The following ZNF530 variants were observed in gnomAD, a reference collection of about 807,000 sequenced individuals.
ZNF530 encodes zinc finger protein 530.
Under a neutral mutation model 2.8 loss-of-function variants are expected in ZNF530, and 5 were observed. The observed-to-expected ratio is 1.80, with a 90% CI of 0.94 to 3.78. The LOEUF (loss-of-function observed/expected upper bound fraction) is 3.78, where lower values mean the gene tolerates loss of function less well. Ranked by LOEUF, ZNF530 falls within the 30% of genes most tolerant of loss-of-function variation. The probability of loss-of-function intolerance (pLI) is 0.00; values close to 1 mark genes in which losing one functional copy is unlikely to be tolerated. For synonymous variants in ZNF530, 229 were observed against 235.0 expected (o/e 0.97, Z 0.23); for missense variants, 619 against 673.3 (o/e 0.92, Z 0.89).
Position 57,610,043 on chromosome 19 carries a change from T to TA in ZNF530, c.*2727dup, listed in dbSNP as rs201951650. ...TGACCAAGATTGTTATTGCATCCAT[T>TA]AAAAAAAAATCAAGTTATAATTGAT... On this transcript the variant is annotated 3_prime_UTR_variant, in exon 4 of 4. Coordinates refer to ENST00000597700, the MANE Select transcript of ZNF530 (RefSeq NM_001321981.2). 1.6e-3 allele frequency among the ~76,000 whole-genome samples: 249 copies of TA among 151,368 alleles called. 6 individuals are homozygous for TA. The East Asian group carries it at 0.04, about 24-fold the overall frequency.
rs1324781755 is a variant in ZNF530 at position 57,600,160 on chromosome 19, C to T, written c.-122+26C>T. Reference sequence around the variant, plus strand: ...GTGAGCGCTGCGTCCTCCCGGCCTCCTCTGCCCTCCCCACCCGAAACTGAG... The same window carrying T: ...GTGAGCGCTGCGTCCTCCCGGCCTCTTCTGCCCTCCCCACCCGAAACTGAG... On this transcript the variant is annotated intron_variant, in intron 1 of 3. Transcript: ENST00000597700. The T allele has an allele frequency of 4.5e-6, 7 of 1,560,102 alleles. No individual in the cohort carries two copies. The Admixed American group carries it at 1.1e-4, about 25-fold the overall frequency.
chr19:57,603,314 C>T (rs1204082088), intron 2 of ZNF530, among the ~76,000 whole-genome samples: 1 of 152,202 alleles, frequency 6.6e-6, no homozygotes, highest in Non-Finnish European at 1.5e-5. Flanking sequence ...GTGGGAGTTA[C>T]AATTCAAGAT....
intron 2 of ZNF530, among the ~76,000 whole-genome samples, chr19:57,601,714 A>G (rs1980250688): frequency 6.6e-6 from 1 of 152,250 alleles, no homozygotes; most frequent in Non-Finnish European, 1.5e-5. Context: ...AAGGCTGGGT[A>G]GTTTATAAAG....
Position 57,606,938 on chromosome 19 carries a change from A to T in ZNF530, c.1314A>T (p.Ser438=). Residue 438 remains serine, a synonymous_variant, in exon 4 of 4, where the codon TCA becomes TCT. Transcript: ENST00000597700. The part of the protein sequence containing the change: ...KPYECSECEK[S]FSCKTDLIRH... ...ATGAGTGCAGTGAATGTGAAAAATC[A>T]TTTAGTTGCAAAACTGACCTCATTC... The T allele has an allele frequency of 6.2e-7, 1 of 1,613,206 alleles. No individual in the cohort carries two copies. The highest frequency in any genetic ancestry group is 8.5e-7 in the Non-Finnish European group (1 of 1,179,712).
At chr19:57,601,114 A>T (rs1164563244) in intron 2 of ZNF530, among the ~76,000 whole-genome samples, 3 of 152,212 alleles carry the variant, frequency 2.0e-5, no homozygotes, top group Non-Finnish European at 4.4e-5. Context: ...GCTGTCTCAG[A>T]TGTCTTTGTT....
Position 57,599,953 on chromosome 19 carries a change from C to G in ZNF530, c.-303C>G, listed in dbSNP as rs112580202. The G allele has an allele frequency of 8.8e-5, 75 of 850,458 alleles. No individual in the cohort carries two copies. Among genetic ancestry groups the G allele is most frequent in the Non-Finnish European group, 1.2e-4 (72 of 583,210 alleles). 52.7% of individuals were successfully genotyped at this position (850,458 alleles called of 1,614,324 possible). A position where few individuals can be genotyped will look rare whatever the true frequency, so the allele number is the denominator to read the frequency against. On this transcript the variant is annotated 5_prime_UTR_variant, in exon 1 of 4. It adds an upstream start codon to the 5' untranslated region. Transcript: ENST00000597700. The stretch of plus-strand genomic sequence containing the variant: ...TCAGTTCCATCCGCGGGTGCCGGAT[C>G]TGGACCTAGGTGCTGACAGCGAGAA...
In ZNF530 at chr19:57,606,695, C is replaced by G. The variant is rs369515199; in HGVS notation, c.1071C>G (p.Cys357Trp). 3 of 1,613,072 alleles carry G rather than the reference C, an allele frequency of 1.9e-6. No homozygotes were observed. In the African/African-American group the frequency reaches 4.0e-5, roughly 22 times the overall value. Reference sequence around the variant, plus strand: ...GTGAATGTGGGAAAGCATTTAGTTGCAATATCTACCTTATTCACCACCAAA... The same window carrying G: ...GTGAATGTGGGAAAGCATTTAGTTGGAATATCTACCTTATTCACCACCAAA... The part of the protein sequence containing the change: ...ECSECGKAFS[C>W]NIYLIHHQRF... Residue 357 changes from cysteine to tryptophan, a missense_variant, in exon 4 of 4, where the codon TGC becomes TGG. Cys to Trp is a radical substitution (Grantham distance 215, BLOSUM62 -2). Transcript: ENST00000597700.
At position 57,607,335 on chromosome 19, in the gene ZNF530, A is replaced by G. The variant is rs1282150842; in HGVS notation, c.*10A>G. 1 of 1,554,326 alleles carries G rather than the reference A, an allele frequency of 6.4e-7. No individual in the cohort carries two copies. The highest frequency in any genetic ancestry group is 1.5e-5 in the African/African-American group (1 of 68,690). ...AGTTCATGTGCAGTGAATGTGGGAAATTATTTTGTCACTTTTTTTTTTTTT... is the reference window on the plus strand; with the variant it reads ...AGTTCATGTGCAGTGAATGTGGGAAGTTATTTTGTCACTTTTTTTTTTTTT... On this transcript the variant is annotated 3_prime_UTR_variant, in exon 4 of 4. Transcript: ENST00000597700.
At chr19:57,612,474 C>A, downstream of ZNF530, 1 of 400,696 alleles carries the variant, frequency 2.5e-6, no homozygotes, top group South Asian at 1.3e-4. Context: ...ATAGCACTTT[C>A]TAAATGTTTT....
chr19:57,607,086 T>G lies in ZNF530; in HGVS notation c.1462T>G (p.Cys488Gly). ...TVHTNERPYE[C>G]DECGKSYSQS... ...TCACACTAATGAAAGGCCTTATGAG[T>G]GCGATGAATGTGGGAAATCCTATAG... The change falls in exon 4 of 4, where the codon TGC (cysteine) becomes GGC (glycine). Residue 488 changes from cysteine (C) to glycine (G), a missense_variant. Transcript: ENST00000597700. The G allele has an allele frequency of 6.2e-7, 1 of 1,613,124 alleles. No homozygotes were observed. Among genetic ancestry groups the G allele is most frequent in the East Asian group, 2.2e-5 (1 of 44,836 alleles).
chr19:57,609,192 G>A lies in ZNF530; in HGVS notation c.*1867G>A, dbSNP rs185649872. On this transcript the variant is annotated 3_prime_UTR_variant, in exon 4 of 4. Coordinates refer to ENST00000597700, the MANE Select transcript of ZNF530 (RefSeq NM_001321981.2). ...CTGAAAATACAAAAATTAACCAGGT[G>A]CAGTGGTGCACGTCTATAATCCCAG... Among the ~76,000 whole-genome samples, 67 of 152,020 alleles carry A rather than the reference G, an allele frequency of 4.4e-4. No individual in the cohort carries two copies. The highest frequency in any genetic ancestry group is 7.2e-4 in the Non-Finnish European group (49 of 67,992).
In ZNF530 at chr19:57,599,911, G is replaced by C. The variant is rs569976819; in HGVS notation, c.-345G>C. On this transcript the variant is annotated 5_prime_UTR_variant, in exon 1 of 4. Transcript: ENST00000597700. ...GAACTTCCGGCGTCCTCCCTGTGGCGGGCACTTTGGCTTGTGTCAGTTCCA... is the reference window on the plus strand; with the variant it reads ...GAACTTCCGGCGTCCTCCCTGTGGCCGGCACTTTGGCTTGTGTCAGTTCCA... 2 of 537,306 alleles carry C rather than the reference G, an allele frequency of 3.7e-6. No individual in the cohort carries two copies. The highest frequency in any genetic ancestry group is 3.8e-5 in the African/African-American group (2 of 52,294). 33.3% of individuals were successfully genotyped at this position (537,306 alleles called of 1,614,324 possible). A position where few individuals can be genotyped will look rare whatever the true frequency, so the allele number is the denominator to read the frequency against.
At chr19:57,612,405 T>C, downstream of ZNF530, 1 of 399,148 alleles carries the variant, frequency 2.5e-6, no homozygotes, top group African/African-American at 2.0e-5. Context: ...TCCTTGAATA[T>C]TTCTTAGAAC....
intron 1 of ZNF530, 93 bp downstream of exon 1, chr19:57,600,227 G>A (rs774609965): frequency 1.5e-6 from 2 of 1,358,028 alleles, no homozygotes; most frequent in African/African-American, 1.5e-5. Context: ...CGCACTGTCC[G>A]GCACAGTGAG....
intron 3 of ZNF530, chr19:57,604,994 C>G (rs1232435604): frequency 1.3e-5 from 2 of 154,638 alleles, no homozygotes; most frequent in Non-Finnish European, 2.9e-5. Flanking sequence ...TTACAGGGTG[C>G]AAACAGCAAG....
rs1017924602 is a variant in ZNF530 at position 57,607,544 on chromosome 19, C to T, written c.*219C>T. 9 of 527,692 alleles carry T rather than the reference C, an allele frequency of 1.7e-5. No individual in the cohort carries two copies. The highest frequency in any genetic ancestry group is 3.0e-5 in the Non-Finnish European group (9 of 300,680). The allele number at this position is 527,692 out of a possible 1,614,324, so 32.7% of individuals were successfully genotyped here. A position where few individuals can be genotyped will look rare whatever the true frequency, so the allele number is the denominator to read the frequency against. On this transcript the variant is annotated 3_prime_UTR_variant, in exon 4 of 4. Transcript: ENST00000597700. Reference sequence around the variant, plus strand: ...ATTTTTAATAGAAACAAGGTTTCACCATGTTGGTCAGGCTGGTGTTGAACT... The same window carrying T: ...ATTTTTAATAGAAACAAGGTTTCACTATGTTGGTCAGGCTGGTGTTGAACT...
At position 57,606,824 on chromosome 19, in the gene ZNF530, G is replaced by A; in HGVS notation, c.1200G>A (p.Arg400=). 6.2e-7 allele frequency: 1 copy of A among 1,614,148 alleles called. No homozygotes were observed. Among genetic ancestry groups the A allele is most frequent in the South Asian group, 1.1e-5 (1 of 91,076 alleles). The change falls in exon 4 of 4, where the codon AGG becomes AGA. Residue 400 remains arginine (R), a synonymous_variant. Transcript: ENST00000597700. ...IQHQRVHTGE[R]PYECSECGKV... ...ACCAAAGAGTTCACACTGGAGAAAGGCCTTATGAGTGCAGTGAATGTGGGA... is the reference window on the plus strand; with the variant it reads ...ACCAAAGAGTTCACACTGGAGAAAGACCTTATGAGTGCAGTGAATGTGGGA...
chr19:57,605,558 T>C (rs1568623842), intron 3 of ZNF530, 128 bp from the exon 4 acceptor site: 3 of 934,812 alleles, frequency 3.2e-6, no homozygotes, highest in South Asian at 1.8e-5. Flanking sequence ...GAGGCTTTTT[T>C]CCACAAATTT....
downstream of ZNF530, among the ~76,000 whole-genome samples, chr19:57,611,508 A>G (rs1225251166): frequency 2.0e-5 from 3 of 152,156 alleles, no homozygotes; most frequent in East Asian, 1.9e-4. Context: ...GAAGTCATAC[A>G]TATACTCATT....
Sources: allele counts gnomAD v4.1 joint callset (sites outside exome capture counted in the v4.1 genomes callset), GRCh38; gene constraint gnomAD v4.1.1; transcripts MANE v1.5; gene names NCBI Gene and HGNC (gene_info 2026-07-23, HGNC 2026-07-21).